The following RIMS2 variants were observed in gnomAD, a reference collection of about 807,000 sequenced individuals.
The protein encoded by RIMS2 is regulating synaptic membrane exocytosis protein 2.
Under a neutral mutation model 174.4 loss-of-function variants are expected in RIMS2, and 59 were observed. The observed-to-expected ratio is 0.34, with a 90% CI of 0.27 to 0.42. The LOEUF (loss-of-function observed/expected upper bound fraction) is 0.42. RIMS2 is among the 10% of genes least tolerant of loss of function. The probability of loss-of-function intolerance (pLI) is 1.00; values close to 1 mark genes in which losing one functional copy is unlikely to be tolerated. For synonymous variants in RIMS2, 606 were observed against 572.5 expected (o/e 1.06, Z -0.84); for missense variants, 1,620 against 1,666.3 (o/e 0.97, Z 0.48).
intron 1 of RIMS2, among the ~76,000 whole-genome samples, chr8:103,671,598 T>C (rs1435405512): frequency 6.6e-6 from 1 of 152,166 alleles, no homozygotes; most frequent in Non-Finnish European, 1.5e-5. Context: ...CACAACACTT[T>C]AGGATTTTAT....
At chr8:103,912,900 T>C (rs879296381) in intron 6 of RIMS2, among the ~76,000 whole-genome samples, 21 of 151,878 alleles carry the variant, frequency 1.4e-4, no homozygotes, top group Admixed American at 7.2e-4. Flanking sequence ...GGAAAATTGC[T>C]TTAGACCAGG....
intron 17 of RIMS2, among the ~76,000 whole-genome samples, chr8:104,005,304 C>T (rs2095532720): frequency 6.6e-6 from 1 of 152,086 alleles, no homozygotes; most frequent in South Asian, 2.1e-4. Context: ...CATTATGATT[C>T]GGGGGGTAAT....
chr8:104,061,346 G>T (rs2096984335), intron 19 of RIMS2, among the ~76,000 whole-genome samples: 1 of 151,882 alleles, frequency 6.6e-6, no homozygotes, highest in African/African-American at 2.4e-5. Flanking sequence ...TGTCTCTTTT[G>T]ATCTTTGTTG....
At chr8:103,757,674 G>T (rs1312716657) in intron 2 of RIMS2, among the ~76,000 whole-genome samples, 1 of 152,124 alleles carries the variant, frequency 6.6e-6, no homozygotes, top group African/African-American at 2.4e-5. Flanking sequence ...ACAACATGCA[G>T]GTGTGATACA....
intron 19 of RIMS2, among the ~76,000 whole-genome samples, chr8:104,209,530 C>A (rs7018164): frequency 6.6e-6 from 1 of 152,240 alleles, no homozygotes; most frequent in Non-Finnish European, 1.5e-5. Flanking sequence ...CCTTACTGTG[C>A]TATACTGTTG....
intron 10 of RIMS2, 67 bp downstream of exon 13, chr8:103,921,851 G>GT (rs1468352706): frequency 1.5e-6 from 1 of 651,530 alleles, no homozygotes; most frequent in African/African-American, 1.8e-5. Context: ...TATGATGCTT[G>GT]TTTTTTACAA....
At chr8:103,930,133 G>T (rs2079614165) in intron 11 of RIMS2, among the ~76,000 whole-genome samples, 1 of 151,718 alleles carries the variant, frequency 6.6e-6, no homozygotes, top group South Asian at 2.1e-4. Context: ...AAATAATTTG[G>T]ATATTTCTTA....
intron 19 of RIMS2, among the ~76,000 whole-genome samples, chr8:104,224,349 A>G (rs962922990): frequency 6.6e-6 from 1 of 152,210 alleles, no homozygotes; most frequent in South Asian, 2.1e-4. Context: ...ATTGTAATTA[A>G]GCTAATGAAA....
At chr8:103,787,208 G>T (rs1301957763) in intron 3 of RIMS2, among the ~76,000 whole-genome samples, 1 of 149,126 alleles carries the variant, frequency 6.7e-6, no homozygotes, top group Non-Finnish European at 1.5e-5. Context: ...ACACTGATGG[G>T]TCTTGACTCT....
At chr8:103,673,684 G>A (rs1049433283) in intron 1 of RIMS2, among the ~76,000 whole-genome samples, 11 of 152,136 alleles carry the variant, frequency 7.2e-5, no homozygotes, top group African/African-American at 2.7e-4. Flanking sequence ...TGATAGGTGG[G>A]CCCGCCATGA....
At chr8:104,063,134 C>T (rs1049424130) in intron 19 of RIMS2, among the ~76,000 whole-genome samples, 6 of 151,924 alleles carry the variant, frequency 3.9e-5, no homozygotes, top group Admixed American at 2.0e-4. Flanking sequence ...GAATCCTTCA[C>T]TACTGATTAC....
chr8:103,869,246 A>G (rs2099098610), intron 3 of RIMS2, among the ~76,000 whole-genome samples: 1 of 151,264 alleles, frequency 6.6e-6, no homozygotes, highest in Admixed American at 6.6e-5. Context: ...CCCAGGCTGA[A>G]GTGCAATGGC....
chr8:103,668,387 T>C (rs758576378), intron 1 of RIMS2, among the ~76,000 whole-genome samples: 2 of 152,236 alleles, frequency 1.3e-5, no homozygotes, highest in East Asian at 1.9e-4. Context: ...GCTACTGTTA[T>C]AGGATTAACC....
At chr8:103,746,461 T>G (rs1231365699) in intron 2 of RIMS2, among the ~76,000 whole-genome samples, 1 of 152,150 alleles carries the variant, frequency 6.6e-6, no homozygotes, top group Non-Finnish European at 1.5e-5. Flanking sequence ...TATTTATTTT[T>G]AAGTTTTAGG....
Position 104,148,862 on chromosome 8 carries a change from T to C in RIMS2, c.3335-96054T>C. Reference sequence around the variant, plus strand: ...TCAGCCAAACGGGTAGGAATTTCAATGTTACTTTTAACTTGATATTTGAGT... The same window carrying C: ...TCAGCCAAACGGGTAGGAATTTCAACGTTACTTTTAACTTGATATTTGAGT... On this transcript the variant is annotated intron_variant, in intron 19 of 23. Coordinates refer to ENST00000504942, the Ensembl canonical transcript of RIMS2. 6.3e-7 allele frequency: 1 copy of C among 1,593,798 alleles called. No individual in the cohort carries two copies. The highest frequency in any genetic ancestry group is 8.5e-7 in the Non-Finnish European group (1 of 1,176,260).
intron 3 of RIMS2, among the ~76,000 whole-genome samples, chr8:103,858,732 TACACACAC>T (rs71881969): frequency 2.8e-5 from 4 of 145,234 alleles, no homozygotes; most frequent in South Asian, 2.2e-4. Context: ...TACATACCTA[TACACACAC>T]ACACACACAC....
chr8:103,719,333 C>T (rs982498239), intron 2 of RIMS2, among the ~76,000 whole-genome samples: 1 of 152,082 alleles, frequency 6.6e-6, no homozygotes, highest in Non-Finnish European at 1.5e-5. Flanking sequence ...TTTTTTGCTT[C>T]TTATACCCAA....
chr8:104,042,669 A>G (rs1441185531), intron 19 of RIMS2, among the ~76,000 whole-genome samples: 4 of 151,686 alleles, frequency 2.6e-5, no homozygotes, highest in African/African-American at 9.7e-5. Context: ...AGGATAGAGA[A>G]TATATGTTAT....
chr8:103,719,819 G>A (rs1016724195), intron 2 of RIMS2, among the ~76,000 whole-genome samples: 9 of 152,138 alleles, frequency 5.9e-5, no homozygotes, highest in South Asian at 4.1e-4. Context: ...GGCATGTCTA[G>A]TGAGAACAAC....
Sources: allele counts gnomAD v4.1 joint callset (sites outside exome capture counted in the v4.1 genomes callset), GRCh38; gene constraint gnomAD v4.1.1; transcripts MANE v1.5; gene names NCBI Gene and HGNC (gene_info 2026-07-23, HGNC 2026-07-21).